Variants in HSPA4 observed in about 807,000 individuals in gnomAD.
HSPA4 encodes heat shock protein family A (Hsp70) member 4, also known as heat shock 70 kDa protein 4.
HSPA4 carries 25 observed loss-of-function variants against 106.2 expected under a neutral mutation model. The observed-to-expected ratio is 0.24, with a 90% CI of 0.17 to 0.33. HSPA4 has a LOEUF of 0.33. Ranked by LOEUF, HSPA4 falls within the 10% of genes least tolerant of loss-of-function variation. The pLI is 1.00. For missense variants in HSPA4, 841 were observed against 996.0 expected (o/e 0.84, Z 2.10); for synonymous variants, 332 against 333.6 (o/e 1.00, Z 0.05).
At chr5:133,104,159 G>C (rs1414830960) in intron 18 of HSPA4, 74 bp from the exon 19 acceptor site, 2 of 1,493,108 alleles carry the variant, frequency 1.3e-6, no homozygotes, top group Non-Finnish European at 1.9e-6. Context: ...GGGAGAGGGC[G>C]GATTTGGGTT....
chr5:133,063,684 C>T (rs959012114), intron 1 of HSPA4, among the ~76,000 whole-genome samples: 38 of 152,218 alleles, frequency 2.5e-4, no homozygotes, highest in African/African-American at 7.5e-4. Context: ...CTGCCCGCCT[C>T]GGCCCCCCAA....
chr5:133,057,851 G>A (rs1032642957), intron 1 of HSPA4, among the ~76,000 whole-genome samples: 1 of 152,218 alleles, frequency 6.6e-6, no homozygotes, highest in African/African-American at 2.4e-5. Flanking sequence ...AGAAGTGTAA[G>A]ATAGAGATTC....
Position 133,076,786 on chromosome 5 carries a change from C to A in HSPA4, c.796C>A (p.Leu266Ile). The A allele has an allele frequency of 6.2e-7, 1 of 1,613,862 alleles. No homozygotes were observed. The highest frequency in any genetic ancestry group is 1.1e-5 in the South Asian group (1 of 91,062). Residue 266 changes from leucine to isoleucine, a missense_variant, in exon 7 of 19, where the codon CTC becomes ATC. Physicochemically the swap from Leu to Ile is conservative, Grantham distance 5. This residue lies in a region of HSPA4 where 347 missense variants were observed against 408.7 expected (regional missense o/e 0.85). Transcript: ENST00000304858. ...IKSKIRALLRLSQECEKLKKL... is the reference protein window; with the variant it reads ...IKSKIRALLRISQECEKLKKL... ...GTCCAAAATCCGTGCATTATTACGA[C>A]TCTCTCAGGAGTGTGAGAAACTCAA...
chr5:133,089,485 A>G (rs529391106), intron 10 of HSPA4, 77 bp from the exon 11 acceptor site: 2 of 1,328,688 alleles, frequency 1.5e-6, no homozygotes, highest in Non-Finnish European at 2.1e-6. Flanking sequence ...CTGTACAATA[A>G]TTACAAACCT....
Position 133,065,001 on chromosome 5 carries a change from T to A in HSPA4, c.129T>A (p.Pro43=). The A allele has an allele frequency of 6.2e-7, 1 of 1,614,088 alleles. No individual in the cohort carries two copies. Among genetic ancestry groups the A allele is most frequent in the Non-Finnish European group, 8.5e-7 (1 of 1,179,968 alleles). ...RCTPACISFG[P]KNRSIGAAAK... The stretch of plus-strand genomic sequence containing the variant: ...CTAGGGCTTGCATTTCTTTTGGTCC[T>A]AAGAATCGTTCAATTGGAGCAGCAG... Residue 43 remains proline (P), a synonymous_variant, in exon 2 of 19, where the codon CCT becomes CCA. Transcript: ENST00000304858.
At chr5:133,052,669 C>G in intron 1 of HSPA4, 1 of 318,570 alleles carries the variant, frequency 3.1e-6, no homozygotes, top group East Asian at 5.5e-5. Context: ...AGGATGTAAA[C>G]GGATCGCGGT....
intron 7 of HSPA4, 121 bp downstream of exon 7, chr5:133,077,019 T>A (rs1018488264): frequency 1.1e-5 from 10 of 942,336 alleles, no homozygotes; most frequent in Non-Finnish European, 1.6e-5. Flanking sequence ...GGTTCTATTT[T>A]AAAAATTAGA....
Position 133,096,086 on chromosome 5 carries a change from C to T in HSPA4, c.1651-12C>T. The T allele has an allele frequency of 6.2e-7, 1 of 1,609,790 alleles. No homozygotes were observed. Among genetic ancestry groups the T allele is most frequent in the Non-Finnish European group, 8.5e-7 (1 of 1,178,006 alleles). On this transcript the variant is annotated splice_polypyrimidine_tract_variant and intron_variant, in intron 13 of 18. Coordinates refer to ENST00000304858, the MANE Select transcript of HSPA4 (RefSeq NM_002154.4). ...TATATGTGTTTGTTCTTAATGATTT[C>T]TATTGTTTTAGACCTCTCAAGCTGG... is the stretch of plus-strand genomic sequence containing the variant.
At position 133,096,148 on chromosome 5, in the gene HSPA4, C is replaced by T. The variant is rs969733162; in HGVS notation, c.1701C>T (p.Ala567=). The T allele has an allele frequency of 1.2e-6, 2 of 1,614,008 alleles. No individual in the cohort carries two copies. The highest frequency in any genetic ancestry group is 1.7e-5 in the Admixed American group (1 of 60,008). The change falls in exon 14 of 19, where the codon GCC becomes GCT. Residue 567 remains alanine, a synonymous_variant. Transcript: ENST00000304858. ...KDKKMDQPPQ[A]KKAKVKTSTV... Reference sequence around the variant, plus strand: ...AAAAGATGGACCAACCACCCCAAGCCAAGAAGGCAAAAGTGAAGACCAGTA... The same window carrying T: ...AAAAGATGGACCAACCACCCCAAGCTAAGAAGGCAAAAGTGAAGACCAGTA...
chr5:133,073,472 C>T (rs1765410325), intron 5 of HSPA4, 143 bp downstream of exon 5: 3 of 613,964 alleles, frequency 4.9e-6, no homozygotes, highest in African/African-American at 3.7e-5. Flanking sequence ...TTTTTGGATA[C>T]TGTGTCACTT....
intron 4 of HSPA4, among the ~76,000 whole-genome samples, chr5:133,071,871 G>A (rs1765386323): frequency 6.6e-6 from 1 of 152,150 alleles, no homozygotes; most frequent in African/African-American, 2.4e-5. Flanking sequence ...CCTTTAAAAA[G>A]CTCAGATTCA....
At chr5:133,072,131 T>C (rs1406322636) in intron 4 of HSPA4, among the ~76,000 whole-genome samples, 1 of 152,176 alleles carries the variant, frequency 6.6e-6, no homozygotes, top group Non-Finnish European at 1.5e-5. Context: ...GGGTGGGGCC[T>C]CAAGATCACA....
At chr5:133,084,151 T>G (rs1765549820) in intron 7 of HSPA4, among the ~76,000 whole-genome samples, 1 of 152,250 alleles carries the variant, frequency 6.6e-6, no homozygotes, top group Non-Finnish European at 1.5e-5. Flanking sequence ...GTCCCTAGAT[T>G]AAGTTTGCCA....
At chr5:133,104,117 T>C in intron 18 of HSPA4, 91 bp downstream of exon 18, 3 of 1,402,712 alleles carry the variant, frequency 2.1e-6, no homozygotes, top group Non-Finnish European at 3.0e-6. Context: ...TTTATTATAG[T>C]GTTTTAGCTT....
chr5:133,087,592 A>G (rs1355797216), intron 8 of HSPA4, among the ~76,000 whole-genome samples: 1 of 152,206 alleles, frequency 6.6e-6, no homozygotes, highest in East Asian at 1.9e-4. Flanking sequence ...TCTTTCTGAT[A>G]CGAAGAAACT....
rs527572952 is a variant in HSPA4, at chr5:133,065,179, C to T, written c.165+142C>T. Reference sequence around the variant, plus strand: ...CAGATACAGACCTCTTCTCTGTTCCCATGTACAGTCAGCCCTCAGAATTCC... The same window carrying T: ...CAGATACAGACCTCTTCTCTGTTCCTATGTACAGTCAGCCCTCAGAATTCC... On this transcript the variant is annotated intron_variant, in intron 2 of 18. Transcript: ENST00000304858. The T allele has an allele frequency of 8.0e-5, 50 of 628,846 alleles. No homozygotes were observed. In the East Asian group the frequency reaches 1.3e-3, roughly 16 times the overall value. The allele number at this position is 628,846 out of a possible 1,614,324, so 39.0% of individuals were successfully genotyped here. A position where few individuals can be genotyped will look rare whatever the true frequency, so the allele number is the denominator to read the frequency against.
chr5:133,067,625 C>A, intron 3 of HSPA4, 68 bp downstream of exon 3: 2 of 1,263,784 alleles, frequency 1.6e-6, no homozygotes, highest in Non-Finnish European at 2.2e-6. Context: ...CAATATCTAT[C>A]TGTACTTTTC....
At chr5:133,066,245 A>G (rs1765303937) in intron 2 of HSPA4, among the ~76,000 whole-genome samples, 1 of 152,142 alleles carries the variant, frequency 6.6e-6, no homozygotes, top group Admixed American at 6.6e-5. Context: ...GGAAGGCATG[A>G]TTTGGGTGGC....
rs73262598 is a variant in HSPA4, at chr5:133,066,232, C to G, written c.166-1185C>G. Among the ~76,000 whole-genome samples the G allele has an allele frequency of 1.8e-3, 270 of 152,216 alleles. 2 individuals are homozygous for G. The highest frequency in any genetic ancestry group is 6.8e-3 in the Middle Eastern group (2 of 292). On this transcript the variant is annotated intron_variant, in intron 2 of 18. Coordinates refer to ENST00000304858, the MANE Select transcript of HSPA4 (RefSeq NM_002154.4). ...CAGAGTTTCTGTTTGGCAGCTTGCT[C>G]GAGGAAGGCATGATTTGGGTGGCCT...
Sources: gnomAD v4.1 joint callset for allele counts (sites outside exome capture counted in the v4.1 genomes callset) on GRCh38, gnomAD v4.1.1 for gene constraint, gnomAD v4.1.1 regional missense constraint, MANE v1.5 for transcripts, NCBI Gene and HGNC (gene_info 2026-07-23, HGNC 2026-07-21) for gene names.